Variants in CPLX2 observed in about 807,000 individuals in gnomAD.
CPLX2 encodes the protein complexin 2, also known as complexin-2.
Under a neutral mutation model 16.3 loss-of-function variants are expected in CPLX2, and 5 were observed. That is an observed-to-expected ratio of 0.31 (90% CI 0.16 to 0.64). The LOEUF (loss-of-function observed/expected upper bound fraction) is 0.64, where lower values mean the gene tolerates loss of function less well. Among genes scored for constraint, CPLX2 ranks in the 30% least tolerant of loss-of-function variants. CPLX2 has a pLI of 0.79. For synonymous variants in CPLX2, 89 were observed against 73.2 expected, an observed-to-expected ratio of 1.22 and a Z score of -1.10; for missense variants, 144 against 181.4, an observed-to-expected ratio of 0.79 and a Z score of 1.18.
intron 1 of CPLX2, among the ~76,000 whole-genome samples, chr5:175,877,180 G>A (rs1021050923): frequency 6.6e-6 from 1 of 151,528 alleles, no homozygotes; most frequent in African/African-American, 2.4e-5. Context: ...TTTGAACCAG[G>A]TGTGTCTGAT....
intron 1 of CPLX2, among the ~76,000 whole-genome samples, chr5:175,802,869 T>C (rs1758125516): frequency 6.6e-6 from 1 of 151,922 alleles, no homozygotes; most frequent in South Asian, 2.1e-4. Context: ...TCTCGCTCTG[T>C]CACCCAGACT....
rs531688960 is a variant in CPLX2 at position 175,880,667 on chromosome 5, G to C, written c.*622G>C. Reference sequence around the variant, plus strand: ...CCCCACCTGGAGAGACATGGCCCCTGCCAAGCTGGTCCCTTCAAATGGATC... The same window carrying C: ...CCCCACCTGGAGAGACATGGCCCCTCCCAAGCTGGTCCCTTCAAATGGATC... On this transcript the variant is annotated 3_prime_UTR_variant, in exon 4 of 4. Coordinates refer to ENST00000393745, the MANE Select transcript of CPLX2 (RefSeq NM_001008220.2). 2 of 158,554 alleles carry C rather than the reference G, an allele frequency of 1.3e-5. No individual in the cohort carries two copies. Among genetic ancestry groups the C allele is most frequent in the African/African-American group, 4.8e-5 (2 of 41,460 alleles). The allele number at this position is 158,554 out of a possible 1,614,324, so 9.8% of individuals were successfully genotyped here. A position where few individuals can be genotyped will look rare whatever the true frequency, so the allele number is the denominator to read the frequency against.
Position 175,879,032 on chromosome 5 carries a change from C to G in CPLX2, c.156C>G (p.His52Gln), listed in dbSNP as rs775347080. Reference protein sequence around the residue: ...RQQEEERKAKHARMEAEREKV... With the variant: ...RQQEEERKAKQARMEAEREKV... ...AGGAGGAGGAGCGTAAGGCCAAGCACGCGCGCATGGAGGCGGAGCGGGAGA... is the reference window on the plus strand; with the variant it reads ...AGGAGGAGGAGCGTAAGGCCAAGCAGGCGCGCATGGAGGCGGAGCGGGAGA... Residue 52 changes from histidine (H) to glutamine (Q), a missense_variant, in exon 3 of 4, where the codon CAC (histidine) becomes CAG (glutamine). His to Gln is a conservative substitution (Grantham distance 24). Transcript: ENST00000393745. 4 of 1,592,744 alleles carry G rather than the reference C, an allele frequency of 2.5e-6. No individual in the cohort carries two copies. Among genetic ancestry groups the G allele is most frequent in the Non-Finnish European group, 3.4e-6 (4 of 1,170,062 alleles).
intron 2 of CPLX2, among the ~76,000 whole-genome samples, chr5:175,822,378 A>C (rs1561773933): frequency 1.3e-5 from 2 of 152,090 alleles, no homozygotes; most frequent in African/African-American, 4.8e-5. Flanking sequence ...CAGCCCAGTG[A>C]CTCAACTCTC....
At chr5:175,816,113 C>T (rs1451340131) in intron 2 of CPLX2, among the ~76,000 whole-genome samples, 1 of 152,158 alleles carries the variant, frequency 6.6e-6, no homozygotes, top group African/African-American at 2.4e-5. Context: ...ACTCCGGGAT[C>T]TAGGCCGGCT....
chr5:175,879,895 C>T lies in CPLX2; in HGVS notation c.255C>T (p.Ala85=), dbSNP rs776563428. The change falls in exon 4 of 4, where the codon GCC becomes GCT. Residue 85 remains alanine (A), a synonymous_variant. Coordinates refer to ENST00000393745, the MANE Select transcript of CPLX2 (RefSeq NM_001008220.2). ...AGAAGGAAGCAGAGGAGAAAGCAGC[C>T]CTGGAGCAGCCCTGCGAGGGGAGCC... ...KEEKEAEEKA[A]LEQPCEGSLT... is the part of the protein sequence containing the mutation. The T allele has an allele frequency of 6.2e-7, 1 of 1,613,430 alleles. No individual in the cohort carries two copies. Among genetic ancestry groups the T allele is most frequent in the African/African-American group, 1.3e-5 (1 of 74,904 alleles).
intron 2 of CPLX2, among the ~76,000 whole-genome samples, chr5:175,843,360 G>A (rs922522806): frequency 2.6e-5 from 4 of 152,208 alleles, no homozygotes; most frequent in Non-Finnish European, 5.9e-5. Context: ...GCACACACCT[G>A]CATGTGCTTA....
chr5:175,814,588 C>T (rs1443268317), intron 2 of CPLX2, among the ~76,000 whole-genome samples: 4 of 152,114 alleles, frequency 2.6e-5, no homozygotes, highest in Non-Finnish European at 5.9e-5. Flanking sequence ...TCACAGCAGC[C>T]TTAGAGAGGG....
intron 2 of CPLX2, among the ~76,000 whole-genome samples, chr5:175,852,114 G>A (rs1295872281): frequency 2.6e-5 from 4 of 152,208 alleles, no homozygotes; most frequent in African/African-American, 9.7e-5. Flanking sequence ...GAAGTCTTTC[G>A]TGTGGGCTCA....
chr5:175,873,194 T>C (rs934888469), intron 1 of CPLX2, among the ~76,000 whole-genome samples: 8 of 150,874 alleles, frequency 5.3e-5, no homozygotes, highest in Middle Eastern at 3.4e-3. Context: ...CCTGGCGGCC[T>C]GGCCCAAATC....
intron 2 of CPLX2, among the ~76,000 whole-genome samples, chr5:175,815,192 G>A (rs529114812): frequency 6.6e-6 from 1 of 152,326 alleles, no homozygotes; most frequent in South Asian, 2.1e-4. Flanking sequence ...GTGGTCTGCT[G>A]TACCTGAGTA....
rs1342150504 is a variant in CPLX2 at position 175,878,966 on chromosome 5, G to A, written c.90G>A (p.Ala30=). 20 of 1,609,664 alleles carry A rather than the reference G, an allele frequency of 1.2e-5. No individual in the cohort carries two copies. The highest frequency in any genetic ancestry group is 3.3e-5 in the South Asian group (3 of 89,946). ...GAGAGGAGGAGAAGGACCCCGACGC[G>A]CAGAAAAAGGAGGAGGAGCGGCAGG... The part of the protein sequence containing the change: ...LGGEEEKDPD[A]QKKEEERQEA... The change falls in exon 3 of 4, where the codon GCG becomes GCA. Residue 30 remains alanine (A), a synonymous_variant. Transcript: ENST00000393745.
chr5:175,879,129 T>C (rs1381110992), intron 3 of CPLX2, 46 bp downstream of exon 3: 1 of 1,526,838 alleles, frequency 6.5e-7, no homozygotes, highest in South Asian at 1.2e-5. Context: ...CACAAGCGGG[T>C]AAAACCGGTC....
chr5:175,818,872 C>T (rs1457766635), intron 2 of CPLX2, among the ~76,000 whole-genome samples: 2 of 151,830 alleles, frequency 1.3e-5, no homozygotes, highest in Non-Finnish European at 2.9e-5. Flanking sequence ...TGTTGGTTGG[C>T]CAGGATGGTC....
At chr5:175,802,313 A>G (rs1036381039) in intron 1 of CPLX2, among the ~76,000 whole-genome samples, 1 of 152,164 alleles carries the variant, frequency 6.6e-6, no homozygotes, top group African/African-American at 2.4e-5. Flanking sequence ...CACTGCCCAC[A>G]CTTTCCCTGC....
chr5:175,810,242 A>G (rs1451652328), intron 2 of CPLX2, among the ~76,000 whole-genome samples: 1 of 152,092 alleles, frequency 6.6e-6, no homozygotes, highest in East Asian at 1.9e-4. Context: ...CAATTCCTTC[A>G]TTGTGTAGGA....
intron 2 of CPLX2, among the ~76,000 whole-genome samples, chr5:175,861,990 C>G (rs147790858): frequency 6.6e-6 from 1 of 152,172 alleles, no homozygotes; most frequent in Non-Finnish European, 1.5e-5. Flanking sequence ...TGGCCCTTCT[C>G]TGGGCTCTGA....
intron 2 of CPLX2, among the ~76,000 whole-genome samples, chr5:175,813,250 C>T (rs1030316394): frequency 2.0e-5 from 3 of 152,174 alleles, no homozygotes; most frequent in Non-Finnish European, 1.5e-5. Context: ...GGCATTTCCT[C>T]TGAAAATAAA....
Position 175,845,017 on chromosome 5 carries a change from T to C in CPLX2, c.-88-33635T>C, listed in dbSNP as rs1043256521. Reference sequence around the variant, plus strand: ...CTGCCCCTCTGCCCAGAACATTCCCTAACAAGGACCAGTTCTTAGAAGGGG... The same window carrying C: ...CTGCCCCTCTGCCCAGAACATTCCCCAACAAGGACCAGTTCTTAGAAGGGG... On this transcript the variant is annotated intron_variant, in intron 2 of 4. Coordinates refer to the CPLX2 transcript ENST00000359546. This position sits in a 1 kb window ranked among gnomAD's most constrained non-coding sequence, Gnocchi z 4.0. 6.6e-6 allele frequency among the ~76,000 whole-genome samples: 1 copy of C among 152,172 alleles called. No homozygotes were observed. The highest frequency in any genetic ancestry group is 6.5e-5 in the Admixed American group (1 of 15,284).
Sources: gnomAD v4.1 joint callset for allele counts (sites outside exome capture counted in the v4.1 genomes callset) on GRCh38, gnomAD v4.1.1 for gene constraint, Gnocchi (gnomAD v3.1) non-coding constraint, MANE v1.5 for transcripts, NCBI Gene and HGNC (gene_info 2026-07-23, HGNC 2026-07-21) for gene names.